The following TLR6 variants were observed in gnomAD, a reference collection of about 807,000 sequenced individuals.
TLR6 encodes toll-like receptor 6.
In TLR6, 9 loss-of-function variants were observed where a neutral mutation model predicts 16.1. The observed-to-expected ratio is 0.56, with a 90% confidence interval of 0.34 to 0.98. The LOEUF (loss-of-function observed/expected upper bound fraction) is 0.98. Among genes scored for constraint, TLR6 ranks in the 50% least tolerant of loss-of-function variants. The pLI is 0.02. For missense variants in TLR6, 786 were observed against 921.0 expected, an observed-to-expected ratio of 0.85 and a Z score of 1.90; for synonymous variants, 340 against 338.6, an observed-to-expected ratio of 1.00 and a Z score of -0.04.
chr4:38,841,514 C>T (rs896942487), intron 1 of TLR6, among the ~76,000 whole-genome samples: 5 of 151,896 alleles, frequency 3.3e-5, no homozygotes, highest in Admixed American at 2.0e-4. Context: ...GGCTTGAGCC[C>T]AGGAGACAGA....
intron 1 of TLR6, chr4:38,843,866 T>G (rs1330254989): frequency 6.6e-6 from 1 of 152,200 alleles, no homozygotes; most frequent in Non-Finnish European, 1.5e-5. Context: ...TAACTGGAAC[T>G]GTGTTAGGGC....
At chr4:38,848,256 G>A (rs113650586) in intron 1 of TLR6, among the ~76,000 whole-genome samples, 30,922 of 152,092 alleles carry the variant, frequency 0.2, 3,988 homozygotes, top group Non-Finnish European at 0.28. Context: ...CAAACAGAAA[G>A]GACATCCACA....
intron 1 of TLR6, among the ~76,000 whole-genome samples, chr4:38,845,431 G>A (rs1367939172): frequency 6.6e-6 from 1 of 152,250 alleles, no homozygotes; most frequent in Non-Finnish European, 1.5e-5. Flanking sequence ...CTTAAAATAG[G>A]AAGATTATCC....
Position 38,850,438 on chromosome 4 carries a change from G to A in TLR6, c.-65+6323C>T, listed in dbSNP as rs575639351. 2.0e-5 allele frequency among the ~76,000 whole-genome samples: 3 copies of A among 152,250 alleles called. No individual in the cohort carries two copies. The South Asian group carries it at 6.2e-4, about 31-fold the overall frequency. ...ACCCTTCAAAAAATCAATGAATCCAGGAGGTGGGTTTTTGAAAAGATCAAC... is the reference window on the plus strand; with the variant it reads ...ACCCTTCAAAAAATCAATGAATCCAAGAGGTGGGTTTTTGAAAAGATCAAC... On this transcript the variant is annotated intron_variant, in intron 1 of 1. Coordinates refer to ENST00000436693, the Ensembl canonical transcript of TLR6.
exon 2 of TLR6, chr4:38,829,144 A>T: frequency 6.2e-7 from 1 of 1,614,144 alleles, no homozygotes; most frequent in Non-Finnish European, 8.5e-7. Flanking sequence ...TTTGCAACTG[A>T]TTATGAGATA....
At chr4:38,837,380 C>T (rs1250888458) in intron 1 of TLR6, among the ~76,000 whole-genome samples, 2 of 152,254 alleles carry the variant, frequency 1.3e-5, no homozygotes, top group East Asian at 3.9e-4. Flanking sequence ...AAAACAGATA[C>T]ATAGACCAAT....
At chr4:38,837,015 G>A (rs772008051) in intron 1 of TLR6, among the ~76,000 whole-genome samples, 6 of 150,642 alleles carry the variant, frequency 4.0e-5, no homozygotes, top group Non-Finnish European at 5.9e-5. Flanking sequence ...ACAATACCTA[G>A]GAATAAACTT....
chr4:38,850,894 T>A (rs1201868500), intron 1 of TLR6, among the ~76,000 whole-genome samples: 1 of 152,148 alleles, frequency 6.6e-6, no homozygotes, highest in African/African-American at 2.4e-5. Context: ...GCCAGCATCA[T>A]CCTGATACCA....
chr4:38,828,795 TAGTC>T lies in TLR6; in HGVS notation c.675_678del (p.Thr226IlefsTer4). 1 of 1,613,918 alleles carries T rather than the reference TAGTC, an allele frequency of 6.2e-7. No individual in the cohort carries two copies. Among genetic ancestry groups the T allele is most frequent in the Non-Finnish European group, 8.5e-7 (1 of 1,179,898 alleles). Reference sequence around the variant, plus strand: ...CAGTTGTCATCATTCAATTTAATATTAGTCAGTTGTAAGCACCCTAAAGTATTAA... The same window carrying T: ...CAGTTGTCATCATTCAATTTAATATTAGTTGTAAGCACCCTAAAGTATTAA... On this transcript the variant is annotated frameshift_variant, in exon 2 of 2. Transcript: ENST00000436693. LOFTEE classifies it low-confidence loss of function (END_TRUNC).
intron 1 of TLR6, among the ~76,000 whole-genome samples, chr4:38,839,365 G>T (rs896656259): frequency 3.3e-5 from 5 of 151,948 alleles, no homozygotes; most frequent in Non-Finnish European, 7.4e-5. Flanking sequence ...CTAGGCAAAG[G>T]CTTTAAATCA....
chr4:38,854,803 T>C (rs939290986), intron 1 of TLR6, among the ~76,000 whole-genome samples: 3 of 152,168 alleles, frequency 2.0e-5, no homozygotes, highest in South Asian at 2.1e-4. Context: ...TAATGAAATA[T>C]TGAAAAAATC....
chr4:38,862,527 C>G, the TLR6 span, among the ~76,000 whole-genome samples: 1 of 151,470 alleles, frequency 6.6e-6, no homozygotes, highest in Admixed American at 6.6e-5. Flanking sequence ...GTGATCTGCC[C>G]GCCTCAGCCT....
intron 1 of TLR6, among the ~76,000 whole-genome samples, chr4:38,847,276 A>G (rs1188798431): frequency 1.3e-5 from 2 of 152,204 alleles, no homozygotes; most frequent in Non-Finnish European, 2.9e-5. Context: ...GTTAAAGTCA[A>G]CATCAAGAAT....
At chr4:38,842,766 T>C (rs1375755647) in intron 1 of TLR6, among the ~76,000 whole-genome samples, 2 of 152,094 alleles carry the variant, frequency 1.3e-5, no homozygotes, top group African/African-American at 4.8e-5. Flanking sequence ...ACACATCTAA[T>C]ACCATCACGT....
At chr4:38,867,707 G>T in the TLR6 span, 1 of 148,896 alleles carries the variant, frequency 6.7e-6, no homozygotes, top group Non-Finnish European at 1.5e-5. Flanking sequence ...CTCCTCGTGG[G>T]GCGGGGCGCA....
chr4:38,827,646 C>G, exon 2 of TLR6: 1 of 1,614,208 alleles, frequency 6.2e-7, no homozygotes, highest in Middle Eastern at 1.6e-4. Context: ...CAGGGCAGAT[C>G]CAAGTAGATG....
Position 38,828,909 on chromosome 4 carries a change from C to A in TLR6, c.565G>T (p.Glu189Ter). The A allele has an allele frequency of 1.2e-6, 2 of 1,610,118 alleles. No individual in the cohort carries two copies. The highest frequency in any genetic ancestry group is 1.7e-6 in the Non-Finnish European group (2 of 1,178,230). ...TTTGCATTCAGAATTTGTAGACTTT[C>A]TGTCTCATTTTCTTTTATATAATAA... Residue 189 changes from glutamate to a stop codon, truncating the protein, a stop_gained, in exon 2 of 2, where the codon GAA (glutamate) becomes TAA (stop). Coordinates refer to ENST00000436693, the Ensembl canonical transcript of TLR6. LOFTEE classifies it low-confidence loss of function (END_TRUNC).
the TLR6 span, among the ~76,000 whole-genome samples, chr4:38,867,405 A>T: frequency 7.2e-5 from 11 of 152,018 alleles, no homozygotes; most frequent in Non-Finnish European, 1.3e-4. Flanking sequence ...TAAATCTATC[A>T]CACTCCCACC....
chr4:38,854,706 A>T (rs1367509954), intron 1 of TLR6, among the ~76,000 whole-genome samples: 1 of 152,196 alleles, frequency 6.6e-6, no homozygotes, highest in Non-Finnish European at 1.5e-5. Context: ...ACCTTCCTTT[A>T]TTTTAGCAAT....
Sources: allele counts gnomAD v4.1 joint callset (sites outside exome capture counted in the v4.1 genomes callset), GRCh38; gene constraint gnomAD v4.1.1; transcripts MANE v1.5; gene names NCBI Gene and HGNC (gene_info 2026-07-23, HGNC 2026-07-21).